Variants in AGTPBP1 observed in about 807,000 individuals in gnomAD.
AGTPBP1 encodes ATP/GTP binding carboxypeptidase 1.
AGTPBP1 carries 70 observed loss-of-function variants against 143.9 expected under a neutral mutation model. That is an observed-to-expected ratio of 0.49 (90% CI 0.40 to 0.59). AGTPBP1 has a LOEUF of 0.59. AGTPBP1 is among the 20% of genes least tolerant of loss of function. AGTPBP1 has a pLI of 0.00. For synonymous variants in AGTPBP1, 463 were observed against 500.2 expected, an observed-to-expected ratio of 0.93 and a Z score of 0.99; for missense variants, 1,229 against 1,464.5, an observed-to-expected ratio of 0.84 and a Z score of 2.62.
intron 8 of AGTPBP1, among the ~76,000 whole-genome samples, chr9:85,667,844 C>T (rs1380576635): frequency 7.3e-6 from 1 of 136,740 alleles, no homozygotes; most frequent in Non-Finnish European, 1.5e-5. Flanking sequence ...GATTATGAGA[C>T]ATATCAATCA....
At chr9:85,797,275 T>C in the AGTPBP1 span, among the ~76,000 whole-genome samples, 14 of 151,856 alleles carry the variant, frequency 9.2e-5, no homozygotes, top group Admixed American at 9.2e-4. Context: ...TCCTGGCTAA[T>C]TTTTTTTACT....
At chr9:85,583,512 G>A (rs1191874579) in intron 23 of AGTPBP1, among the ~76,000 whole-genome samples, 1 of 152,014 alleles carries the variant, frequency 6.6e-6, no homozygotes, top group East Asian at 1.9e-4. Flanking sequence ...AACATCTTGA[G>A]AAATGAAATT....
intron 6 of AGTPBP1, among the ~76,000 whole-genome samples, chr9:85,675,741 T>G (rs1834786379): frequency 6.6e-6 from 1 of 152,114 alleles, no homozygotes. Flanking sequence ...AAAAAACCAT[T>G]TCGGCTGGGT....
At chr9:85,769,535 A>AG in the AGTPBP1 span, among the ~76,000 whole-genome samples, 4 of 150,754 alleles carry the variant, frequency 2.7e-5, no homozygotes, top group African/African-American at 7.4e-5. Flanking sequence ...AAAAAAAAAA[A>AG]AAAAAGAAAA....
At chr9:85,567,792 T>C (rs950367543) in intron 25 of AGTPBP1, among the ~76,000 whole-genome samples, 1 of 152,024 alleles carries the variant, frequency 6.6e-6, no homozygotes. Context: ...GAGATATGCA[T>C]GGAGAACAGA....
intron 2 of AGTPBP1, among the ~76,000 whole-genome samples, chr9:85,704,937 AT>A (rs1253048801): frequency 2.0e-5 from 3 of 152,106 alleles, no homozygotes; most frequent in Admixed American, 1.3e-4. Context: ...TAAACAGCAA[AT>A]TTTATGTGTC....
At chr9:85,689,794 G>A (rs970135051) in intron 3 of AGTPBP1, among the ~76,000 whole-genome samples, 3 of 150,010 alleles carry the variant, frequency 2.0e-5, no homozygotes, top group Admixed American at 2.0e-4. Flanking sequence ...TACTCGGGGG[G>A]CTGAGACAAA....
chr9:85,695,904 C>T (rs1836204687), intron 2 of AGTPBP1, among the ~76,000 whole-genome samples: 1 of 151,618 alleles, frequency 6.6e-6, no homozygotes, highest in South Asian at 2.1e-4. Flanking sequence ...TACAGTGGCG[C>T]AATCTCGGCT....
chr9:85,564,019 A>G (rs1826915901), intron 25 of AGTPBP1, among the ~76,000 whole-genome samples: 1 of 152,232 alleles, frequency 6.6e-6, no homozygotes, highest in Non-Finnish European at 1.5e-5. Flanking sequence ...CTCCACCTAG[A>G]TATCGAAGGA....
At chr9:85,671,441 T>A (rs1564127721) in intron 7 of AGTPBP1, among the ~76,000 whole-genome samples, 3 of 152,198 alleles carry the variant, frequency 2.0e-5, no homozygotes. Flanking sequence ...GTTAGTTATT[T>A]AAGTGTTCTA....
intron 23 of AGTPBP1, among the ~76,000 whole-genome samples, chr9:85,583,935 T>C (rs1587680928): frequency 6.6e-6 from 1 of 151,994 alleles, no homozygotes. Flanking sequence ...GAGAATCCTA[T>C]AGATGTATGA....
chr9:85,757,461 C>T, the AGTPBP1 span, among the ~76,000 whole-genome samples: 5 of 151,632 alleles, frequency 3.3e-5, no homozygotes, highest in African/African-American at 1.2e-4. Flanking sequence ...AGGGAAAAGA[C>T]AGTAGAGGAG....
intron 9 of AGTPBP1, among the ~76,000 whole-genome samples, chr9:85,659,875 C>T (rs752027547): frequency 2.4e-4 from 37 of 152,004 alleles, no homozygotes; most frequent in Non-Finnish European, 4.1e-4. Context: ...AATTAATCCA[C>T]GTATTGTGAT....
At chr9:85,562,809 G>C (rs1003641771) in intron 25 of AGTPBP1, among the ~76,000 whole-genome samples, 1 of 152,102 alleles carries the variant, frequency 6.6e-6, no homozygotes, top group African/African-American at 2.4e-5. Flanking sequence ...GAAATTGGGC[G>C]AATATTTACA....
the AGTPBP1 span, among the ~76,000 whole-genome samples, chr9:85,758,231 T>A: frequency 3.9e-5 from 6 of 152,068 alleles, no homozygotes; most frequent in Admixed American, 3.9e-4. Flanking sequence ...ACATTAGAGA[T>A]AGAACAAGAA....
In AGTPBP1 at chr9:85,741,796, CG is replaced by C; in HGVS notation, c.-56del. 2.2e-6 allele frequency: 3 copies of C among 1,358,404 alleles called. No homozygotes were observed. Among genetic ancestry groups the C allele is most frequent in the South Asian group, 1.7e-5 (1 of 57,168 alleles). 84.1% of individuals were successfully genotyped at this position (1,358,404 alleles called of 1,614,324 possible). ...TCACCGGCTCAGGATGGGGCGCTGG[CG>C]GGGACCGCGCAGAGCCGCAGCACCC... On this transcript the variant is annotated 5_prime_UTR_variant, in exon 1 of 26. It introduces an in-frame stop codon into an upstream open reading frame of the 5' UTR. Transcript: ENST00000357081.
At chr9:85,778,201 G>A in the AGTPBP1 span, among the ~76,000 whole-genome samples, 1 of 152,108 alleles carries the variant, frequency 6.6e-6, no homozygotes, top group African/African-American at 2.4e-5. Flanking sequence ...TGCTGTGCAC[G>A]ACCCACTTTA....
Position 85,589,510 on chromosome 9 carries a change from T to C in AGTPBP1, c.2722+18A>G. ...AGGTGAGAATGACTGCTATTGTGAG[T>C]TGGGAAGACAAACTTACTGAAATGG... is the stretch of plus-strand genomic sequence containing the variant. On this transcript the variant is annotated intron_variant, in intron 20 of 25. Transcript: ENST00000357081. The C allele has an allele frequency of 2.5e-6, 4 of 1,592,930 alleles. No homozygotes were observed. Among genetic ancestry groups the C allele is most frequent in the Non-Finnish European group, 3.4e-6 (4 of 1,171,490 alleles).
chr9:85,585,918 A>G (rs1389454335), intron 22 of AGTPBP1, among the ~76,000 whole-genome samples: 2 of 152,234 alleles, frequency 1.3e-5, no homozygotes, highest in Non-Finnish European at 2.9e-5. Flanking sequence ...TTGTAAAAAC[A>G]TTTACCTAAT....
Sources: allele counts gnomAD v4.1 joint callset (sites outside exome capture counted in the v4.1 genomes callset), GRCh38; gene constraint gnomAD v4.1.1; transcripts MANE v1.5; gene names NCBI Gene and HGNC (gene_info 2026-07-23, HGNC 2026-07-21).